The following PLA2G10 variants were observed in gnomAD, a reference collection of about 807,000 sequenced individuals.
The protein encoded by PLA2G10 is phospholipase A2 group X, also known as group 10 secretory phospholipase A2.
In PLA2G10, 9 loss-of-function variants were observed where a neutral mutation model predicts 7.9. The ratio of observed to expected loss-of-function variants is 1.14; its 90% CI spans 0.68 to 1.98. The LOEUF (loss-of-function observed/expected upper bound fraction) is 1.98, where lower values mean the gene tolerates loss of function less well. Ranked by LOEUF, PLA2G10 falls within the 30% of genes most tolerant of loss-of-function variation. The probability of loss-of-function intolerance (pLI) is 0.00; values close to 1 mark genes in which losing one functional copy is unlikely to be tolerated. For missense variants in PLA2G10, 53 were observed against 65.4 expected, an observed-to-expected ratio of 0.81 and a Z score of 0.66; for synonymous variants, 19 against 27.5, an observed-to-expected ratio of 0.69 and a Z score of 0.97.
At chr16:14,680,024 A>G (rs1298777743) in intron 3 of PLA2G10, among the ~76,000 whole-genome samples, 1 of 152,054 alleles carries the variant, frequency 6.6e-6, no homozygotes, top group Non-Finnish European at 1.5e-5. Flanking sequence ...TAGCAACAGA[A>G]AGCCTATATA....
At chr16:14,679,412 G>A (rs751196903) in intron 3 of PLA2G10, among the ~76,000 whole-genome samples, 2 of 151,768 alleles carry the variant, frequency 1.3e-5, no homozygotes, top group Non-Finnish European at 1.5e-5. Context: ...CTGTAATCTC[G>A]GCACTTTGGG....
intron 3 of PLA2G10, among the ~76,000 whole-genome samples, chr16:14,684,540 C>T (rs900931044): frequency 6.6e-6 from 1 of 151,796 alleles, no homozygotes; most frequent in Non-Finnish European, 1.5e-5. Flanking sequence ...GTGGCGGGCA[C>T]CTGAAATCCC....
intron 3 of PLA2G10, among the ~76,000 whole-genome samples, chr16:14,687,914 G>A (rs1290092750): frequency 4.6e-5 from 7 of 151,814 alleles, no homozygotes; most frequent in South Asian, 4.2e-4. Flanking sequence ...CACGAGAATC[G>A]CTTGAACCCA....
intron 3 of PLA2G10, among the ~76,000 whole-genome samples, chr16:14,674,636 G>A (rs1183818801): frequency 2.0e-5 from 3 of 152,000 alleles, no homozygotes; most frequent in Non-Finnish European, 4.4e-5. Context: ...GGGGGGCAGA[G>A]GTTGCAGTGA....
chr16:14,687,355 G>A (rs1361218525), intron 3 of PLA2G10, among the ~76,000 whole-genome samples: 1 of 147,584 alleles, frequency 6.8e-6, no homozygotes, highest in East Asian at 2.0e-4. Flanking sequence ...TTGAGACTGG[G>A]TTTTGCCCTG....
At chr16:14,685,727 C>T (rs777935851) in intron 3 of PLA2G10, among the ~76,000 whole-genome samples, 14 of 152,062 alleles carry the variant, frequency 9.2e-5, no homozygotes, top group Non-Finnish European at 1.8e-4. Context: ...CAGAGTCCCA[C>T]GCTGTCGCCC....
intron 3 of PLA2G10, among the ~76,000 whole-genome samples, chr16:14,678,936 C>T (rs569696689): frequency 2.6e-5 from 4 of 152,172 alleles, no homozygotes; most frequent in East Asian, 3.9e-4. Flanking sequence ...CCAGCCTCAC[C>T]GAACTCCTTG....
intron 3 of PLA2G10, among the ~76,000 whole-genome samples, chr16:14,680,152 G>T (rs1486064991): frequency 6.6e-6 from 1 of 150,866 alleles, no homozygotes; most frequent in Non-Finnish European, 1.5e-5. Context: ...AGGCTGGAGG[G>T]CAGTGGCATG....
chr16:14,674,838 C>G (rs1436288236), intron 3 of PLA2G10, among the ~76,000 whole-genome samples: 1 of 151,886 alleles, frequency 6.6e-6, no homozygotes, highest in Non-Finnish European at 1.5e-5. Flanking sequence ...ATAGAAAACC[C>G]AGAAATAAAG....
At chr16:14,672,916 C>T (rs542572627) in intron 3 of PLA2G10, among the ~76,000 whole-genome samples, 167 bp from the exon 4 acceptor site, 8 of 152,096 alleles carry the variant, frequency 5.3e-5, no homozygotes, top group Non-Finnish European at 1.0e-4. Flanking sequence ...TGATGTCAGC[C>T]CCATTTTACA....
intron 3 of PLA2G10, among the ~76,000 whole-genome samples, chr16:14,687,787 G>GTCCA (rs1961134150): frequency 6.6e-6 from 1 of 151,596 alleles, no homozygotes; most frequent in Non-Finnish European, 1.5e-5. Flanking sequence ...ACTTGAGGTG[G>GTCCA]GGAGTTTGAG....
Position 14,688,440 on chromosome 16 carries a change from C to G in PLA2G10, c.249-169G>C, listed in dbSNP as rs200113477. Reference sequence around the variant, plus strand: ...GTCTTTCTCTGTCGCCCAGGCTGGACTGCAGTGGCACAATCATAGCTCACT... The same window carrying G: ...GTCTTTCTCTGTCGCCCAGGCTGGAGTGCAGTGGCACAATCATAGCTCACT... On this transcript the variant is annotated intron_variant, in intron 2 of 3. Coordinates refer to ENST00000438167, the MANE Select transcript of PLA2G10 (RefSeq NM_003561.3). Among the ~76,000 whole-genome samples the G allele has an allele frequency of 9.5e-3, 565 of 59,192 alleles. 3 individuals carry two copies. The highest frequency in any genetic ancestry group is 0.019 in the East Asian group (52 of 2,716). The allele number at this position is 59,192 out of a possible 152,430, so 38.8% of individuals were successfully genotyped here.
chr16:14,676,936 C>T (rs2151849703), intron 3 of PLA2G10, among the ~76,000 whole-genome samples: 1 of 152,088 alleles, frequency 6.6e-6, no homozygotes, highest in East Asian at 1.9e-4. Context: ...TACACAAAGG[C>T]ATACAGAGTG....
intron 3 of PLA2G10, among the ~76,000 whole-genome samples, chr16:14,680,066 G>A (rs1408082015): frequency 6.6e-6 from 1 of 151,368 alleles, no homozygotes; most frequent in South Asian, 2.1e-4. Context: ...CTGTTCACTC[G>A]ATGCTGTATT....
chr16:14,684,466 G>A (rs770999108), intron 3 of PLA2G10, among the ~76,000 whole-genome samples: 2 of 151,560 alleles, frequency 1.3e-5, no homozygotes, highest in South Asian at 4.2e-4. Context: ...AGGAATTTGA[G>A]ACCAGCCTGA....
intron 3 of PLA2G10, among the ~76,000 whole-genome samples, chr16:14,683,736 C>T (rs962230188): frequency 3.9e-5 from 6 of 152,080 alleles, no homozygotes; most frequent in East Asian, 3.8e-4. Flanking sequence ...GAAAACTTAA[C>T]GGTAAATATT....
chr16:14,686,552 A>G (rs1487371684), intron 3 of PLA2G10, among the ~76,000 whole-genome samples: 4 of 152,182 alleles, frequency 2.6e-5, no homozygotes, highest in African/African-American at 9.6e-5. Context: ...TCTGTTGCCC[A>G]GGCTGGAGTA....
At chr16:14,686,108 C>T (rs1961052644) in intron 3 of PLA2G10, among the ~76,000 whole-genome samples, 1 of 150,990 alleles carries the variant, frequency 6.6e-6, no homozygotes, top group Non-Finnish European at 1.5e-5. Flanking sequence ...ATCCTCCTTC[C>T]TCAGCCTCCC....
chr16:14,673,179 C>T (rs948954171), intron 3 of PLA2G10, among the ~76,000 whole-genome samples: 4 of 150,452 alleles, frequency 2.7e-5, no homozygotes, highest in Non-Finnish European at 3.0e-5. Context: ...GCCACCACAC[C>T]GAGCTAATTT....
Sources: gnomAD v4.1 joint callset for allele counts (sites outside exome capture counted in the v4.1 genomes callset) on GRCh38, gnomAD v4.1.1 for gene constraint, MANE v1.5 for transcripts, NCBI Gene and HGNC (gene_info 2026-07-23, HGNC 2026-07-21) for gene names.